ADAMTSL1: variants seen among roughly 807,000 people sequenced by gnomAD.
ADAMTSL1 encodes ADAMTS-like protein 1.
ADAMTSL1 carries 126 observed loss-of-function variants against 201.8 expected under a neutral mutation model. The observed-to-expected ratio is 0.62, with a 90% CI of 0.54 to 0.72. ADAMTSL1 has a LOEUF of 0.72. Ranked by LOEUF, ADAMTSL1 falls within the 30% of genes least tolerant of loss-of-function variation. The pLI is 0.00. For synonymous variants in ADAMTSL1, 1,121 were observed against 903.4 expected (o/e 1.24, Z -4.32); for missense variants, 2,679 against 2,277.8 (o/e 1.18, Z -3.59).
chr9:18,672,584 A>C (rs988567444), intron 9 of ADAMTSL1, among the ~76,000 whole-genome samples: 1 of 152,206 alleles, frequency 6.6e-6, no homozygotes, highest in East Asian at 1.9e-4. Flanking sequence ...AAATGCATAG[A>C]TATGTACACC....
rs575547976 is a variant in ADAMTSL1 at position 17,972,382 on chromosome 9, C to G, written c.87+65460C>G. Among the ~76,000 whole-genome samples, 5 of 139,590 alleles carry G rather than the reference C, an allele frequency of 3.6e-5. No individual in the cohort carries two copies. The South Asian group carries it at 1.2e-3, about 33-fold the overall frequency. The allele number at this position is 139,590 out of a possible 152,430, so 91.6% of individuals were successfully genotyped here. ...CCTGTGTCCATGTGTCCTCATTGTT[C>G]AATTTCCACCTATGAGTGAGAACAT... On this transcript the variant is annotated intron_variant, in intron 1 of 29. Coordinates refer to the ADAMTSL1 transcript ENST00000680146.
intron 9 of ADAMTSL1, among the ~76,000 whole-genome samples, chr9:18,667,518 C>T (rs1829524561): frequency 6.6e-6 from 1 of 152,092 alleles, no homozygotes; most frequent in Admixed American, 6.6e-5. Flanking sequence ...ATTCCTTATT[C>T]CCACTAAGCC....
intron 1 of ADAMTSL1, among the ~76,000 whole-genome samples, chr9:18,145,745 A>G (rs992700435): frequency 6.6e-6 from 1 of 152,220 alleles, no homozygotes; most frequent in African/African-American, 2.4e-5. Context: ...AAGAAAATTT[A>G]TAAGCTAAAC....
intron 20 of ADAMTSL1, among the ~76,000 whole-genome samples, chr9:18,803,634 T>C (rs1822933646): frequency 6.6e-6 from 1 of 152,212 alleles, no homozygotes; most frequent in Non-Finnish European, 1.5e-5. Flanking sequence ...CTAGACTTTC[T>C]CACGATTTTA....
chr9:18,768,474 T>TC (rs1820490587), intron 16 of ADAMTSL1, among the ~76,000 whole-genome samples: 1 of 151,152 alleles, frequency 6.6e-6, no homozygotes, highest in African/African-American at 2.4e-5. Flanking sequence ...TTTTTTTTTT[T>TC]CTGTAAAGTG....
intron 1 of ADAMTSL1, among the ~76,000 whole-genome samples, chr9:17,975,821 C>A (rs1446273951): frequency 6.6e-6 from 1 of 151,894 alleles, no homozygotes; most frequent in Non-Finnish European, 1.5e-5. Flanking sequence ...AAGCTTTTCA[C>A]CTATACTTTC....
At chr9:18,251,632 A>G (rs988799972) in intron 2 of ADAMTSL1, among the ~76,000 whole-genome samples, 3 of 152,182 alleles carry the variant, frequency 2.0e-5, no homozygotes, top group East Asian at 1.9e-4. Context: ...CAAGGCTCAC[A>G]TGGAAGAAAA....
At position 18,770,922 on chromosome 9, in the gene ADAMTSL1, C is replaced by T. The variant is rs146480915; in HGVS notation, c.2397+141C>T. On this transcript the variant is annotated intron_variant, in intron 17 of 28. Transcript: ENST00000380548. ...ATAGTATTTTTGTAACCATATATACCGTAGTGTGTAACTAGCTTTTAACGA... is the reference window on the plus strand; with the variant it reads ...ATAGTATTTTTGTAACCATATATACTGTAGTGTGTAACTAGCTTTTAACGA... 111 of 919,574 alleles carry T rather than the reference C, an allele frequency of 1.2e-4. No homozygotes were observed. The East Asian group carries it at 2.5e-3, about 21-fold the overall frequency. 57.0% of individuals were successfully genotyped at this position (919,574 alleles called of 1,614,324 possible). A position where few individuals can be genotyped will look rare whatever the true frequency, so the allele number is the denominator to read the frequency against.
chr9:18,775,096 G>A (rs972703591), intron 17 of ADAMTSL1, among the ~76,000 whole-genome samples: 2 of 151,854 alleles, frequency 1.3e-5, no homozygotes, highest in African/African-American at 2.4e-5. Context: ...ATATGAAGTT[G>A]TATCTCATGG....
At chr9:18,123,728 C>A (rs1441671743) in intron 1 of ADAMTSL1, among the ~76,000 whole-genome samples, 10 of 152,146 alleles carry the variant, frequency 6.6e-5, no homozygotes, top group Non-Finnish European at 1.5e-4. Context: ...ATTGCTGTCA[C>A]CCCAGGAAGC....
At chr9:18,693,215 G>A (rs941413267) in intron 13 of ADAMTSL1, among the ~76,000 whole-genome samples, 1 of 152,172 alleles carries the variant, frequency 6.6e-6, no homozygotes, top group African/African-American at 2.4e-5. Flanking sequence ...AATTATTGAA[G>A]TCAGCATCTG....
At chr9:18,548,457 T>C (rs1820604887) in intron 3 of ADAMTSL1, among the ~76,000 whole-genome samples, 1 of 152,092 alleles carries the variant, frequency 6.6e-6, no homozygotes, top group East Asian at 1.9e-4. Context: ...ATGTGTGTGT[T>C]AGATAAGCTT....
At chr9:18,802,407 C>G (rs566764190) in intron 20 of ADAMTSL1, among the ~76,000 whole-genome samples, 220 of 152,318 alleles carry the variant, frequency 1.4e-3, no homozygotes, top group Middle Eastern at 6.8e-3. Flanking sequence ...TATGCAACCA[C>G]TAATATACTT....
At chr9:17,994,594 T>G in intron 1 of ADAMTSL1, among the ~76,000 whole-genome samples, 1 of 152,206 alleles carries the variant, frequency 6.6e-6, no homozygotes, top group African/African-American at 2.4e-5. Context: ...CAAATATTAA[T>G]TTCTAGCACT....
intron 1 of ADAMTSL1, among the ~76,000 whole-genome samples, chr9:18,119,231 G>A (rs1466356774): frequency 6.6e-6 from 1 of 152,226 alleles, no homozygotes; most frequent in East Asian, 1.9e-4. Flanking sequence ...TATTTTGGAT[G>A]TAGGCTAGAC....
intron 1 of ADAMTSL1, among the ~76,000 whole-genome samples, chr9:18,133,634 AG>A (rs1826039078): frequency 6.6e-6 from 1 of 152,106 alleles, no homozygotes; most frequent in Non-Finnish European, 1.5e-5. Context: ...ACCCCATTCA[AG>A]GTCTGATAGC....
chr9:18,178,216 A>G (rs997312127), intron 2 of ADAMTSL1, among the ~76,000 whole-genome samples: 5 of 152,226 alleles, frequency 3.3e-5, no homozygotes, highest in African/African-American at 4.8e-5. Flanking sequence ...TCACTTGGGA[A>G]GCACAAGGGG....
chr9:18,612,404 TGTG>T (rs1435481600), intron 4 of ADAMTSL1, among the ~76,000 whole-genome samples: 1 of 152,198 alleles, frequency 6.6e-6, no homozygotes, highest in Non-Finnish European at 1.5e-5. Context: ...CCCTGTCACT[TGTG>T]GTGTTGCCTA....
At chr9:18,376,813 A>T (rs1378516395) in intron 2 of ADAMTSL1, among the ~76,000 whole-genome samples, 1 of 152,212 alleles carries the variant, frequency 6.6e-6, no homozygotes, top group Non-Finnish European at 1.5e-5. Context: ...CTCAAAAAAA[A>T]AGACTTAATG....
Sources: gnomAD v4.1 joint callset for allele counts (sites outside exome capture counted in the v4.1 genomes callset) on GRCh38, gnomAD v4.1.1 for gene constraint, MANE v1.5 for transcripts, NCBI Gene and HGNC (gene_info 2026-07-23, HGNC 2026-07-21) for gene names.